SEC62: variants seen among roughly 807,000 people sequenced by gnomAD.
The protein encoded by SEC62 is SEC62 preprotein translocation factor, also known as translocation protein SEC62.
Under a neutral mutation model 47.5 loss-of-function variants are expected in SEC62, and 10 were observed. The ratio of observed to expected loss-of-function variants is 0.21; its 90% confidence interval spans 0.13 to 0.36. The LOEUF (loss-of-function observed/expected upper bound fraction) is 0.36, where lower values mean the gene tolerates loss of function less well. Among genes scored for constraint, SEC62 ranks in the 10% least tolerant of loss-of-function variants. The pLI is 1.00. For missense variants in SEC62, 327 were observed against 464.1 expected (o/e 0.70, Z 2.71); for synonymous variants, 136 against 150.5 (o/e 0.90, Z 0.71).
chr3:169,992,555 G>A lies in SEC62; in HGVS notation c.731-39G>A. 1 of 1,420,988 alleles carries A rather than the reference G, an allele frequency of 7.0e-7. No individual in the cohort carries two copies. Among genetic ancestry groups the A allele is most frequent in the Non-Finnish European group, 9.8e-7 (1 of 1,021,270 alleles). The allele number at this position is 1,420,988 out of a possible 1,614,324, so 88.0% of individuals were successfully genotyped here. A position where few individuals can be genotyped will look rare whatever the true frequency, so the allele number is the denominator to read the frequency against. Reference sequence around the variant, plus strand: ...AACAAATACTCCCTTCTGAGGCAGTGTTTGAATTACTCAATTAGAGAAATT... The same window carrying A: ...AACAAATACTCCCTTCTGAGGCAGTATTTGAATTACTCAATTAGAGAAATT... On this transcript the variant is annotated intron_variant, in intron 7 of 7. Coordinates refer to ENST00000337002, the MANE Select transcript of SEC62 (RefSeq NM_003262.4). This position sits in a 1 kb window ranked among gnomAD's most constrained non-coding sequence, Gnocchi z 4.0.
chr3:169,983,329 A>G (rs1715025381), intron 5 of SEC62, 76 bp downstream of exon 5: 4 of 861,988 alleles, frequency 4.6e-6, no homozygotes, highest in Non-Finnish European at 7.1e-6. Context: ...CTTCACTAAT[A>G]AAAGGAAAAA....
At chr3:169,979,175 C>T (rs1714913589) in intron 3 of SEC62, among the ~76,000 whole-genome samples, 1 of 152,166 alleles carries the variant, frequency 6.6e-6, no homozygotes, top group African/African-American at 2.4e-5. Context: ...CCTTTCTGCA[C>T]TAAAATAAAT....
At chr3:169,990,846 C>T (rs114944037) in intron 7 of SEC62, among the ~76,000 whole-genome samples, 1,779 of 152,218 alleles carry the variant, frequency 0.012, 45 homozygotes, top group African/African-American at 0.041. Context: ...ACAGCTATAA[C>T]GATTTTCTTC....
chr3:169,997,012 C>T lies in SEC62; in HGVS notation c.*3949C>T, dbSNP rs547565924. Reference sequence around the variant, plus strand: ...CCAAACATTAGAAAAGATCTCATAACTTTATACAGCATGTTGTAAGCATTT... The same window carrying T: ...CCAAACATTAGAAAAGATCTCATAATTTTATACAGCATGTTGTAAGCATTT... On this transcript the variant is annotated 3_prime_UTR_variant, in exon 8 of 8. Coordinates refer to ENST00000337002, the MANE Select transcript of SEC62 (RefSeq NM_003262.4). 2.0e-5 allele frequency: 3 copies of T among 152,330 alleles called. No individual in the cohort carries two copies. The South Asian group carries it at 6.2e-4, about 32-fold the overall frequency. 9.4% of individuals were successfully genotyped at this position (152,330 alleles called of 1,614,324 possible). A position where few individuals can be genotyped will look rare whatever the true frequency, so the allele number is the denominator to read the frequency against.
intron 1 of SEC62, among the ~76,000 whole-genome samples, chr3:169,974,688 G>A (rs899628822): frequency 6.6e-6 from 1 of 152,100 alleles, no homozygotes; most frequent in Non-Finnish European, 1.5e-5. Flanking sequence ...ACCCTTACTG[G>A]AGAAGAGAAG....
intron 2 of SEC62, 93 bp from the exon 3 acceptor site, chr3:169,976,853 C>T: frequency 1.3e-6 from 1 of 779,208 alleles, no homozygotes; most frequent in Non-Finnish European, 1.9e-6. Context: ...TTTTTTGTTG[C>T]CAGAGTGTTG....
chr3:169,972,870 T>G (rs1428536166), intron 1 of SEC62, among the ~76,000 whole-genome samples: 3 of 152,176 alleles, frequency 2.0e-5, no homozygotes, highest in Non-Finnish European at 2.9e-5. Context: ...GATGATAGGG[T>G]GAGTACTCTG....
At chr3:169,986,620 C>T (rs1715114481) in intron 6 of SEC62, among the ~76,000 whole-genome samples, 1 of 152,134 alleles carries the variant, frequency 6.6e-6, no homozygotes, top group Non-Finnish European at 1.5e-5. Context: ...GTCCCTGTAG[C>T]TAGTTAATTA....
chr3:169,977,225 T>C (rs1714856989), intron 3 of SEC62, among the ~76,000 whole-genome samples, 174 bp downstream of exon 3: 1 of 152,248 alleles, frequency 6.6e-6, no homozygotes, highest in South Asian at 2.1e-4. Flanking sequence ...TAGACTATTA[T>C]ACTTTTAACT....
chr3:169,981,309 G>A (rs1257561978), intron 3 of SEC62, among the ~76,000 whole-genome samples: 1 of 152,204 alleles, frequency 6.6e-6, no homozygotes, highest in Non-Finnish European at 1.5e-5. Flanking sequence ...CTCATAGGCT[G>A]GACCTAATTG....
chr3:169,990,006 TCA>T (rs1436866423), intron 7 of SEC62, among the ~76,000 whole-genome samples: 11 of 90,836 alleles, frequency 1.2e-4, no homozygotes, highest in Non-Finnish European at 1.8e-4. Flanking sequence ...ATATGATATA[TCA>T]TAATATTATA....
chr3:169,979,031 C>T (rs1210355552), intron 3 of SEC62, among the ~76,000 whole-genome samples: 1 of 152,134 alleles, frequency 6.6e-6, no homozygotes, highest in Non-Finnish European at 1.5e-5. Context: ...AGTATGAATC[C>T]ACATTTTTTG....
intron 5 of SEC62, chr3:169,983,460 A>C: frequency 2.7e-6 from 1 of 376,412 alleles, no homozygotes; most frequent in Non-Finnish European, 4.9e-6. Flanking sequence ...GGAAACCTGA[A>C]ATAAAAGCAT....
rs529628703 is a variant in SEC62 at position 169,996,989 on chromosome 3, A to C, written c.*3926A>C. ...ACCTCTTTGTCAGATCCTTATCACC[A>C]AACATTAGAAAAGATCTCATAACTT... On this transcript the variant is annotated 3_prime_UTR_variant, in exon 8 of 8. Coordinates refer to ENST00000337002, the MANE Select transcript of SEC62 (RefSeq NM_003262.4). 1 of 152,372 alleles carries C rather than the reference A, an allele frequency of 6.6e-6. No individual in the cohort carries two copies. Among genetic ancestry groups the C allele is most frequent in the South Asian group, 2.1e-4 (1 of 4,834 alleles). The allele number at this position is 152,372 out of a possible 1,614,324, so 9.4% of individuals were successfully genotyped here.
chr3:169,976,910 G>T (rs775450336), intron 2 of SEC62, 36 bp from the exon 3 acceptor site: 1 of 1,407,886 alleles, frequency 7.1e-7, no homozygotes, highest in South Asian at 1.3e-5. Context: ...AAATCCCCAT[G>T]TATGCTAAAT....
At chr3:169,972,418 T>C (rs1714720133) in intron 1 of SEC62, among the ~76,000 whole-genome samples, 1 of 152,088 alleles carries the variant, frequency 6.6e-6, no homozygotes, top group African/African-American at 2.4e-5. Context: ...TCCACATTGA[T>C]AATCTCACTC....
At chr3:169,987,796 G>A (rs1314625633) in intron 6 of SEC62, among the ~76,000 whole-genome samples, 6 of 152,202 alleles carry the variant, frequency 3.9e-5, no homozygotes, top group Non-Finnish European at 8.8e-5. Context: ...GTCTGTGGAT[G>A]TCAGAGCTCC....
chr3:169,989,620 C>G, intron 7 of SEC62, among the ~76,000 whole-genome samples: 1 of 151,952 alleles, frequency 6.6e-6, no homozygotes, highest in Non-Finnish European at 1.5e-5. Context: ...AAATTTTTAG[C>G]AAAGGTTTAG....
In SEC62 at chr3:169,996,078, A is replaced by G. The variant is rs544227835; in HGVS notation, c.*3015A>G. 4.6e-5 allele frequency: 7 copies of G among 152,364 alleles called. No individual in the cohort carries two copies. The highest frequency in any genetic ancestry group is 1.4e-4 in the African/African-American group (6 of 41,594). The allele number at this position is 152,364 out of a possible 1,614,324, so 9.4% of individuals were successfully genotyped here. ...ACACGTTTATAGTATGAAAGCTGGA[A>G]CATGGCCTTGTTCAACCTCAGCTCA... is the stretch of plus-strand genomic sequence containing the variant. On this transcript the variant is annotated 3_prime_UTR_variant, in exon 8 of 8. Coordinates refer to ENST00000337002, the MANE Select transcript of SEC62 (RefSeq NM_003262.4).
Sources: allele counts gnomAD v4.1 joint callset (sites outside exome capture counted in the v4.1 genomes callset), GRCh38; gene constraint gnomAD v4.1.1; non-coding constraint Gnocchi (gnomAD v3.1); transcripts MANE v1.5; gene names NCBI Gene and HGNC (gene_info 2026-07-23, HGNC 2026-07-21).